ITGA4: variants seen among roughly 807,000 people sequenced by gnomAD.
ITGA4 encodes the protein integrin subunit alpha 4.
Under a neutral mutation model 133.6 loss-of-function variants are expected in ITGA4, and 63 were observed. The ratio of observed to expected loss-of-function variants is 0.47; its 90% CI spans 0.38 to 0.58. The LOEUF (loss-of-function observed/expected upper bound fraction) is 0.58, where lower values mean the gene tolerates loss of function less well. ITGA4 is among the 20% of genes least tolerant of loss of function. The pLI, the probability that ITGA4 is intolerant of heterozygous loss-of-function variation, is 0.00. For missense variants in ITGA4, 1,076 were observed against 1,252.7 expected, an observed-to-expected ratio of 0.86 and a Z score of 2.13; for synonymous variants, 483 against 438.0, an observed-to-expected ratio of 1.10 and a Z score of -1.28.
intron 20 of ITGA4, 56 bp from the exon 21 acceptor site, chr2:181,525,146 T>C (rs1301540679): frequency 1.0e-6 from 1 of 984,010 alleles, no homozygotes; most frequent in Non-Finnish European, 1.6e-6. Context: ...TAATTAGTTC[T>C]CTCTGAAGAT....
At chr2:181,515,832 A>G (rs1271121927) in intron 17 of ITGA4, among the ~76,000 whole-genome samples, 1 of 152,080 alleles carries the variant, frequency 6.6e-6, no homozygotes, top group African/African-American at 2.4e-5. Flanking sequence ...TTGTGACCAT[A>G]TGTTCCATAC....
At chr2:181,487,478 G>C (rs1339479224) in intron 10 of ITGA4, among the ~76,000 whole-genome samples, 3 of 152,136 alleles carry the variant, frequency 2.0e-5, no homozygotes, top group African/African-American at 7.2e-5. Context: ...TATAAATTCA[G>C]GTCAGCGCTG....
chr2:181,464,007 A>G (rs1047551240), intron 2 of ITGA4, among the ~76,000 whole-genome samples: 1 of 152,098 alleles, frequency 6.6e-6, no homozygotes, highest in Non-Finnish European at 1.5e-5. Flanking sequence ...GGGTAAGTCT[A>G]TAGGGCACCA....
intron 4 of ITGA4, among the ~76,000 whole-genome samples, chr2:181,477,101 G>A (rs1685694148): frequency 6.6e-6 from 1 of 152,076 alleles, no homozygotes; most frequent in Non-Finnish European, 1.5e-5. Context: ...CAACAAACTT[G>A]CACATGAACC....
chr2:181,507,300 T>C (rs1282205021), intron 15 of ITGA4, among the ~76,000 whole-genome samples: 2 of 152,150 alleles, frequency 1.3e-5, no homozygotes, highest in Non-Finnish European at 2.9e-5. Flanking sequence ...TTGCAGTGTC[T>C]AAATCTTATT....
In ITGA4 at chr2:181,536,142, G is replaced by C. The variant is rs917492267; in HGVS notation, c.*615G>C. Reference sequence around the variant, plus strand: ...TTATAGGCCAAACTGGCAAACTTCAGACTGAACATGTACACTGGTTTGAGC... The same window carrying C: ...TTATAGGCCAAACTGGCAAACTTCACACTGAACATGTACACTGGTTTGAGC... On this transcript the variant is annotated 3_prime_UTR_variant, in exon 28 of 28. Coordinates refer to ENST00000397033, the MANE Select transcript of ITGA4 (RefSeq NM_000885.6). 1 of 151,758 alleles carries C rather than the reference G, an allele frequency of 6.6e-6. No individual in the cohort carries two copies. Among genetic ancestry groups the C allele is most frequent in the African/African-American group, 2.4e-5 (1 of 41,370 alleles). 9.4% of individuals were successfully genotyped at this position (151,758 alleles called of 1,614,324 possible). A position where few individuals can be genotyped will look rare whatever the true frequency, so the allele number is the denominator to read the frequency against.
intron 15 of ITGA4, among the ~76,000 whole-genome samples, chr2:181,501,743 A>G (rs1483624826): frequency 6.6e-6 from 1 of 152,144 alleles, no homozygotes; most frequent in Non-Finnish European, 1.5e-5. Context: ...GTTTTCATCA[A>G]TTGAGACAAT....
rs1225660082 is a variant in ITGA4, at chr2:181,536,871, C to CATCTGTTATAGGGAGTGAT, written c.*1345_*1363dup. ...AAGAGAGCTGTGGCCGAATTTTGAA[C>CATCTGTTATAGGGAGTGAT]ATCTGTTATAGGGAGTGATCAAATT... On this transcript the variant is annotated 3_prime_UTR_variant, in exon 28 of 28. Transcript: ENST00000397033. 1 of 431,620 alleles carries CATCTGTTATAGGGAGTGAT rather than the reference C, an allele frequency of 2.3e-6. No homozygotes were observed. The highest frequency in any genetic ancestry group is 1.7e-5 in the South Asian group (1 of 59,104). 26.7% of individuals were successfully genotyped at this position (431,620 alleles called of 1,614,324 possible).
chr2:181,491,007 A>G (rs1257433865), intron 10 of ITGA4, among the ~76,000 whole-genome samples: 2 of 152,222 alleles, frequency 1.3e-5, no homozygotes, highest in East Asian at 1.9e-4. Flanking sequence ...ATTTCAAAAC[A>G]TATCTTTCTC....
At chr2:181,492,138 G>T (rs1230221922) in intron 10 of ITGA4, among the ~76,000 whole-genome samples, 2 of 152,198 alleles carry the variant, frequency 1.3e-5, no homozygotes, top group South Asian at 2.1e-4. Flanking sequence ...CAATTGCCTG[G>T]AATATAGTAG....
rs1490086988 is a variant in ITGA4, at chr2:181,495,164, T to A, written c.1340-207T>A. ...AAACTTGTTTTTGTCATAAAGTTTA[T>A]GATATATCATAATGGGATGAATGTT... On this transcript the variant is annotated intron_variant, in intron 12 of 27. Coordinates refer to ENST00000397033, the MANE Select transcript of ITGA4 (RefSeq NM_000885.6). This position sits in a 1 kb window ranked among gnomAD's most constrained non-coding sequence, Gnocchi z 4.3. Among the ~76,000 whole-genome samples the A allele has an allele frequency of 6.6e-6, 1 of 152,230 alleles. No homozygotes were observed. Among genetic ancestry groups the A allele is most frequent in the Non-Finnish European group, 1.5e-5 (1 of 68,036 alleles).
Position 181,536,149 on chromosome 2 carries a change from C to T in ITGA4, c.*622C>T, listed in dbSNP as rs1280024483. On this transcript the variant is annotated 3_prime_UTR_variant, in exon 28 of 28. Coordinates refer to ENST00000397033, the MANE Select transcript of ITGA4 (RefSeq NM_000885.6). The stretch of plus-strand genomic sequence containing the variant: ...CCAAACTGGCAAACTTCAGACTGAA[C>T]ATGTACACTGGTTTGAGCTTAGTGA... 6.6e-6 allele frequency: 1 copy of T among 151,678 alleles called. No homozygotes were observed. The highest frequency in any genetic ancestry group is 1.5e-5 in the Non-Finnish European group (1 of 67,892). 9.4% of individuals were successfully genotyped at this position (151,678 alleles called of 1,614,324 possible).
At chr2:181,521,753 GTCTTCTTT>G (rs1193313888) in intron 17 of ITGA4, among the ~76,000 whole-genome samples, 11 of 152,230 alleles carry the variant, frequency 7.2e-5, no homozygotes, top group Admixed American at 2.0e-4. Flanking sequence ...ATTCCTTCTA[GTCTTCTTT>G]TCTACCAGTT....
rs1387752580 is a variant in ITGA4 at position 181,528,112 on chromosome 2, G to C, written c.2430+725G>C. Among the ~76,000 whole-genome samples, 3 of 152,124 alleles carry C rather than the reference G, an allele frequency of 2.0e-5. No individual in the cohort carries two copies. The East Asian group carries it at 5.8e-4, about 29-fold the overall frequency. On this transcript the variant is annotated intron_variant, in intron 22 of 27. Transcript: ENST00000397033. ...ATATTTGTGAGTAAATCTTGGATTA[G>C]GTATAATATTTTGTAAGACAATGCT... is the stretch of plus-strand genomic sequence containing the variant.
At position 181,494,841 on chromosome 2, in the gene ITGA4, A is replaced by C. The variant is rs749303580; in HGVS notation, c.1339+29A>C. 3 of 1,150,360 alleles carry C rather than the reference A, an allele frequency of 2.6e-6. No homozygotes were observed. The East Asian group carries it at 7.0e-5, about 27-fold the overall frequency. 71.3% of individuals were successfully genotyped at this position (1,150,360 alleles called of 1,614,324 possible). On this transcript the variant is annotated intron_variant, in intron 12 of 27. Transcript: ENST00000397033. ...AGTAATTAGTTTATCATAATTTATAAATTGGAATAAGCTCTATCATAGATA... is the reference window on the plus strand; with the variant it reads ...AGTAATTAGTTTATCATAATTTATACATTGGAATAAGCTCTATCATAGATA...
intron 4 of ITGA4, among the ~76,000 whole-genome samples, chr2:181,476,798 C>T (rs533812972): frequency 5.3e-5 from 8 of 152,190 alleles, no homozygotes; most frequent in East Asian, 1.9e-4. Flanking sequence ...TAAAAAATAA[C>T]GAGATTATGT....
Position 181,537,907 on chromosome 2 carries a change from CCT to C in ITGA4, c.*2381_*2382del, listed in dbSNP as rs778015357. The C allele has an allele frequency of 1.0e-4, 58 of 568,846 alleles. No homozygotes were observed. Among genetic ancestry groups the C allele is most frequent in the Non-Finnish European group, 1.8e-4 (53 of 300,188 alleles). The allele number at this position is 568,846 out of a possible 1,614,324, so 35.2% of individuals were successfully genotyped here. A position where few individuals can be genotyped will look rare whatever the true frequency, so the allele number is the denominator to read the frequency against. ...AATGGAGCATTACTGAGTTCCTCCC[CCT>C]GTCAGATCAGCAGCAGCATTAGATT... is the stretch of plus-strand genomic sequence containing the variant. On this transcript the variant is annotated 3_prime_UTR_variant, in exon 28 of 28. Coordinates refer to ENST00000397033, the MANE Select transcript of ITGA4 (RefSeq NM_000885.6).
chr2:181,490,360 A>G (rs1686022504), intron 10 of ITGA4, among the ~76,000 whole-genome samples: 3 of 152,088 alleles, frequency 2.0e-5, no homozygotes, highest in African/African-American at 4.8e-5. Flanking sequence ...GAGTAAGAGC[A>G]TGTGTTATTT....
At chr2:181,522,554 G>A (rs941219333) in intron 18 of ITGA4, among the ~76,000 whole-genome samples, 3 of 152,112 alleles carry the variant, frequency 2.0e-5, no homozygotes, top group Non-Finnish European at 4.4e-5. Context: ...CCAGTACTAG[G>A]AGTAGGAGGA....
Sources: allele counts gnomAD v4.1 joint callset (sites outside exome capture counted in the v4.1 genomes callset), GRCh38; gene constraint gnomAD v4.1.1; non-coding constraint Gnocchi (gnomAD v3.1); transcripts MANE v1.5; gene names NCBI Gene and HGNC (gene_info 2026-07-23, HGNC 2026-07-21).